The following COL4A5 variants were observed in gnomAD, a reference collection of about 807,000 sequenced individuals.
COL4A5 encodes the protein collagen alpha-5(IV) chain.
In COL4A5, 26 loss-of-function variants were observed where a neutral mutation model predicts 130.2. The observed-to-expected ratio is 0.20, with a 90% CI of 0.15 to 0.28. The LOEUF is 0.28. Among genes scored for constraint, COL4A5 ranks in the 10% least tolerant of loss-of-function variants. The pLI is 1.00. For missense variants in COL4A5, 1,131 were observed against 1,344.3 expected, an observed-to-expected ratio of 0.84 and a Z score of 2.48; for synonymous variants, 496 against 439.6, an observed-to-expected ratio of 1.13 and a Z score of -1.60.
chrX:108,536,182 ATATT>A (rs1383252834), intron 1 of COL4A5, among the ~76,000 whole-genome samples: 1 of 110,756 alleles, frequency 9.0e-6, no homozygotes, highest in African/African-American at 3.3e-5. Flanking sequence ...ATTATTTTTT[ATATT>A]TATTCTAGCA....
At chrX:108,680,225 G>A (rs999494258) in intron 44 of COL4A5, among the ~76,000 whole-genome samples, 11 of 111,759 alleles carry the variant, frequency 9.8e-5, no homozygotes, top group Admixed American at 6.7e-4. Flanking sequence ...GTTTATCTTC[G>A]CAGTGGTTTG....
At position 108,668,234 on chromosome X, in the gene COL4A5, G is replaced by T; in HGVS notation, c.3605-85G>T. On this transcript the variant is annotated intron_variant, in intron 40 of 52. Coordinates refer to ENST00000328300, the MANE Select transcript of COL4A5 (RefSeq NM_033380.3). ...ATGACTCTTGTGAATTCCATTAATT[G>T]CCCTAATGTATGTGAATAGCTAACC... 4.5e-6 allele frequency: 4 copies of T among 896,459 alleles called. No homozygotes were observed. In the Admixed American group the frequency reaches 9.0e-5, roughly 20 times the overall value. 73.9% of individuals were successfully genotyped at this position (896,459 alleles called of 1,213,427 possible).
At chrX:108,447,066 C>T (rs781671465) in intron 1 of COL4A5, among the ~76,000 whole-genome samples, 28 of 110,910 alleles carry the variant, frequency 2.5e-4, no homozygotes, top group Non-Finnish European at 4.7e-4. Flanking sequence ...TGACATTCTC[C>T]CTCCCCCAGA....
At chrX:108,554,898 AC>A (rs1243529822) in intron 2 of COL4A5, among the ~76,000 whole-genome samples, 2 of 111,354 alleles carry the variant, frequency 1.8e-5, no homozygotes, top group Non-Finnish European at 3.8e-5. Flanking sequence ...AAAACCCCAA[AC>A]TTTTAAAATA....
intron 36 of COL4A5, chrX:108,627,173 G>C (rs997816376): frequency 1.5e-6 from 1 of 647,659 alleles, no homozygotes; most frequent in Non-Finnish European, 1.8e-6. Context: ...ACAATGTAAA[G>C]TTTCTTGAAG....
intron 40 of COL4A5, among the ~76,000 whole-genome samples, chrX:108,667,452 C>CA (rs758151478): frequency 9.0e-6 from 1 of 110,564 alleles, no homozygotes; most frequent in African/African-American, 3.3e-5. Context: ...AGAAAGAAGG[C>CA]AAAATTGCAG....
chrX:108,440,082 G>C lies in COL4A5; in HGVS notation c.-44G>C. ...ATGTCAATTGGTTAGAGCCAGCCGG[G>C]AATTTCGTGCGGGTGCTGAAGGAGC... is the stretch of plus-strand genomic sequence containing the variant. On this transcript the variant is annotated 5_prime_UTR_variant, in exon 1 of 53. Transcript: ENST00000328300. 9.3e-7 allele frequency: 1 copy of C among 1,069,551 alleles called. No homozygotes were observed. The highest frequency in any genetic ancestry group is 3.0e-5 in the East Asian group (1 of 33,085). 88.1% of individuals were successfully genotyped at this position (1,069,551 alleles called of 1,213,427 possible).
At chrX:108,529,200 C>T (rs944004607) in intron 1 of COL4A5, among the ~76,000 whole-genome samples, 4 of 111,760 alleles carry the variant, frequency 3.6e-5, no homozygotes, top group Admixed American at 2.8e-4. Context: ...GCCAAGAATA[C>T]TACATCCCTC....
At chrX:108,495,286 A>G (rs1478088319) in intron 1 of COL4A5, among the ~76,000 whole-genome samples, 1 of 111,238 alleles carries the variant, frequency 9.0e-6, no homozygotes, top group African/African-American at 3.3e-5. Context: ...TAAAATCATC[A>G]CCTAGAGCTA....
intron 44 of COL4A5, among the ~76,000 whole-genome samples, chrX:108,679,567 A>C (rs754338708): frequency 1.8e-5 from 2 of 111,816 alleles, no homozygotes; most frequent in Admixed American, 1.9e-4. Context: ...ACTTCCCTCC[A>C]ACTATTTTTT....
intron 18 of COL4A5, 89 bp from the exon 19 acceptor site, chrX:108,586,526 G>A: frequency 1.2e-6 from 1 of 866,579 alleles, no homozygotes; most frequent in Non-Finnish European, 1.7e-6. Context: ...TGATGACATT[G>A]TAATCATATG....
intron 4 of COL4A5, among the ~76,000 whole-genome samples, chrX:108,566,491 C>T (rs958596807): frequency 9.1e-6 from 1 of 110,299 alleles, no homozygotes; most frequent in Non-Finnish European, 1.9e-5. Flanking sequence ...ATTCCAGGTT[C>T]TTTTTAGTGA....
rs1225723774 is a variant in COL4A5, at chrX:108,622,159, C to T, written c.2767+267C>T. Among the ~76,000 whole-genome samples, 4 of 112,146 alleles carry T rather than the reference C, an allele frequency of 3.6e-5. No homozygotes were observed. In the East Asian group the frequency reaches 8.4e-4, roughly 24 times the overall value. On this transcript the variant is annotated intron_variant, in intron 32 of 52. Transcript: ENST00000328300. ...TTGTTTGTCTTTTGAGACGGAGTCT[C>T]GCTCTGTTGCCCAGGCTGGAGTGCA... is the stretch of plus-strand genomic sequence containing the variant.
At chrX:108,656,114 T>C (rs752640163) in intron 37 of COL4A5, among the ~76,000 whole-genome samples, 1 of 111,942 alleles carries the variant, frequency 8.9e-6, no homozygotes, top group Non-Finnish European at 1.9e-5. Flanking sequence ...ATTGACCATA[T>C]GTATCAAGAT....
At chrX:108,482,751 C>T (rs753837752) in intron 1 of COL4A5, among the ~76,000 whole-genome samples, 6 of 111,681 alleles carry the variant, frequency 5.4e-5, no homozygotes, top group Admixed American at 2.9e-4. Context: ...CGAAGACTCT[C>T]ACTCAGGACA....
chrX:108,484,791 A>G (rs1480014371), intron 1 of COL4A5, among the ~76,000 whole-genome samples: 3 of 112,416 alleles, frequency 2.7e-5, no homozygotes, highest in African/African-American at 9.7e-5. Context: ...GCTCAATGCA[A>G]CGACTTCTTG....
chrX:108,545,284 G>A (rs183832783), intron 2 of COL4A5, among the ~76,000 whole-genome samples: 120 of 111,281 alleles, frequency 1.1e-3, no homozygotes, highest in African/African-American at 3.4e-3. Flanking sequence ...CTTTAAATAT[G>A]TCCCAGAGAT....
rs1451693153 is a variant in COL4A5 at position 108,484,206 on chromosome X, T to C, written c.81+44000T>C. Among the ~76,000 whole-genome samples the C allele has an allele frequency of 2.7e-5, 3 of 112,537 alleles. No individual in the cohort carries two copies. The Admixed American group carries it at 2.8e-4, about 11-fold the overall frequency. On this transcript the variant is annotated intron_variant, in intron 1 of 52. Transcript: ENST00000328300. ...CAATCTCTATGTTAAATTTATCTGA[T>C]AGAATTATGAATTCCTTCTCTGTGT...
chrX:108,683,261 C>T (rs1025841378), intron 47 of COL4A5, among the ~76,000 whole-genome samples: 78 of 111,333 alleles, frequency 7.0e-4, no homozygotes, highest in African/African-American at 9.8e-4. Context: ...ATATCTGTTT[C>T]GGTACCAGTA....
Sources: gnomAD v4.1 joint callset for allele counts (sites outside exome capture counted in the v4.1 genomes callset) on GRCh38, gnomAD v4.1.1 for gene constraint, MANE v1.5 for transcripts, NCBI Gene and HGNC (gene_info 2026-07-23, HGNC 2026-07-21) for gene names.